Variants in KSR2 observed in about 807,000 individuals in gnomAD.
KSR2 encodes the protein kinase suppressor of ras 2.
Under a neutral mutation model 107.8 loss-of-function variants are expected in KSR2, and 25 were observed. The observed-to-expected ratio is 0.23, with a 90% CI of 0.17 to 0.32. The LOEUF (loss-of-function observed/expected upper bound fraction) is 0.32. KSR2 is among the 10% of genes least tolerant of loss of function. The pLI is 1.00. For missense variants in KSR2, 887 were observed against 1,268.9 expected (o/e 0.70, Z 4.57); for synonymous variants, 480 against 507.0 (o/e 0.95, Z 0.71).
intron 4 of KSR2, among the ~76,000 whole-genome samples, chr12:117,723,559 G>A (rs1887295904): frequency 6.6e-6 from 1 of 151,930 alleles, no homozygotes; most frequent in Non-Finnish European, 1.5e-5. Flanking sequence ...AATTTTCTTG[G>A]ATATTGCTAG....
intron 4 of KSR2, among the ~76,000 whole-genome samples, chr12:117,746,463 C>T (rs758287931): frequency 2.6e-4 from 39 of 151,878 alleles, no homozygotes; most frequent in Non-Finnish European, 4.9e-4. Context: ...ATGTAAAACC[C>T]AAAACCATAA....
At chr12:117,505,923 C>G (rs1474589349) in intron 14 of KSR2, among the ~76,000 whole-genome samples, 1 of 152,280 alleles carries the variant, frequency 6.6e-6, no homozygotes, top group Non-Finnish European at 1.5e-5. Flanking sequence ...TCTTCATGCC[C>G]TTTGCACACC....
chr12:117,800,713 G>A (rs1890802999), intron 3 of KSR2, among the ~76,000 whole-genome samples: 1 of 151,860 alleles, frequency 6.6e-6, no homozygotes, highest in Non-Finnish European at 1.5e-5. Context: ...TAAGCCCCAC[G>A]TGCATTAGGT....
chr12:117,770,967 A>G (rs1273225179), intron 3 of KSR2, among the ~76,000 whole-genome samples: 2 of 131,898 alleles, frequency 1.5e-5, no homozygotes, highest in Admixed American at 8.4e-5. Context: ...ACAGAGCGAG[A>G]CTCCGTCTCA....
At chr12:117,791,501 G>A (rs914545170) in intron 3 of KSR2, among the ~76,000 whole-genome samples, 1 of 152,040 alleles carries the variant, frequency 6.6e-6, no homozygotes, top group Non-Finnish European at 1.5e-5. Flanking sequence ...ATGGATCCTC[G>A]AATATTTACT....
At chr12:117,724,497 G>C (rs1593169982) in intron 4 of KSR2, among the ~76,000 whole-genome samples, 1 of 152,152 alleles carries the variant, frequency 6.6e-6, no homozygotes, top group East Asian at 1.9e-4. Flanking sequence ...TTGTTCTGAA[G>C]AGTCATGAGA....
chr12:117,505,274 T>G (rs1873609947), intron 14 of KSR2, among the ~76,000 whole-genome samples: 1 of 152,244 alleles, frequency 6.6e-6, no homozygotes, highest in South Asian at 2.1e-4. Context: ...CACATCATGT[T>G]GAGCACACTG....
chr12:117,518,109 C>T (rs1300337351), intron 14 of KSR2, among the ~76,000 whole-genome samples: 1 of 152,138 alleles, frequency 6.6e-6, no homozygotes, highest in African/African-American at 2.4e-5. Context: ...TCATTACTAC[C>T]TTGTCCCTAG....
intron 5 of KSR2, among the ~76,000 whole-genome samples, chr12:117,642,907 G>A (rs1225394882): frequency 6.6e-6 from 1 of 152,144 alleles, no homozygotes; most frequent in Non-Finnish European, 1.5e-5. Context: ...CCAGGGGATG[G>A]GAAACCAGGC....
chr12:117,811,650 T>G (rs1259655805), intron 3 of KSR2, among the ~76,000 whole-genome samples: 1 of 152,178 alleles, frequency 6.6e-6, no homozygotes, highest in Non-Finnish European at 1.5e-5. Context: ...CATCACAGAG[T>G]AATTGTAAGA....
chr12:117,878,436 A>C (rs11068710), intron 1 of KSR2, among the ~76,000 whole-genome samples: 59,558 of 151,958 alleles, frequency 0.39, 14,239 homozygotes, highest in East Asian at 0.87. Flanking sequence ...CATTTTGAAC[A>C]ATGGGACCTC....
intron 17 of KSR2, among the ~76,000 whole-genome samples, chr12:117,476,046 C>G (rs1201598875): frequency 6.6e-6 from 1 of 152,222 alleles, no homozygotes; most frequent in Non-Finnish European, 1.5e-5. Flanking sequence ...CAGAACCACT[C>G]AGCTAAGCCA....
intron 1 of KSR2, among the ~76,000 whole-genome samples, chr12:117,935,165 T>G (rs1265798994): frequency 6.6e-6 from 1 of 151,940 alleles, no homozygotes; most frequent in African/African-American, 2.4e-5. Flanking sequence ...GGGTCTTGTC[T>G]TGCTCTGTTG....
chr12:117,493,506 G>A (rs1442318480), intron 14 of KSR2, among the ~76,000 whole-genome samples: 1 of 152,160 alleles, frequency 6.6e-6, no homozygotes, highest in African/African-American at 2.4e-5. Context: ...GGCCTGCAAT[G>A]CTTTTCCCAC....
At chr12:117,806,595 C>T (rs1485738272) in intron 3 of KSR2, among the ~76,000 whole-genome samples, 1 of 152,156 alleles carries the variant, frequency 6.6e-6, no homozygotes, top group Non-Finnish European at 1.5e-5. Context: ...GCAACCACCA[C>T]CTCTATCTAC....
At chr12:117,951,307 A>G (rs1197147635) in intron 1 of KSR2, among the ~76,000 whole-genome samples, 1 of 152,192 alleles carries the variant, frequency 6.6e-6, no homozygotes, top group Non-Finnish European at 1.5e-5. Context: ...TGAGTTTATC[A>G]CAAAACACTG....
At chr12:117,759,312 T>C (rs1366641521) in intron 4 of KSR2, among the ~76,000 whole-genome samples, 2 of 152,196 alleles carry the variant, frequency 1.3e-5, no homozygotes, top group Admixed American at 1.3e-4. Flanking sequence ...CCATGCCCAT[T>C]TGTTTACCTA....
At chr12:117,609,410 A>C (rs1881468073) in intron 5 of KSR2, among the ~76,000 whole-genome samples, 1 of 152,252 alleles carries the variant, frequency 6.6e-6, no homozygotes, top group Non-Finnish European at 1.5e-5. Context: ...CCCAGAGGTC[A>C]GCTAACTTAC....
At chr12:117,604,152 A>T (rs945176466) in intron 5 of KSR2, among the ~76,000 whole-genome samples, 1 of 152,144 alleles carries the variant, frequency 6.6e-6, no homozygotes, top group African/African-American at 2.4e-5. Context: ...ACATGTGCAC[A>T]GTTCTCCTTT....
Sources: gnomAD v4.1 joint callset for allele counts (sites outside exome capture counted in the v4.1 genomes callset) on GRCh38, gnomAD v4.1.1 for gene constraint, MANE v1.5 for transcripts, NCBI Gene and HGNC (gene_info 2026-07-23, HGNC 2026-07-21) for gene names.